Variants in ODR4 observed in about 807,000 individuals in gnomAD.
ODR4 encodes protein odr-4 homolog.
ODR4 carries 47 observed loss-of-function variants against 60.2 expected under a neutral mutation model. That is an observed-to-expected ratio of 0.78 (90% CI 0.62 to 1.00). ODR4 has a LOEUF of 1.00. ODR4 is among the 50% of genes least tolerant of loss of function. ODR4 has a pLI of 0.00. For synonymous variants in ODR4, 178 were observed against 175.5 expected (o/e 1.01, Z -0.11); for missense variants, 488 against 530.8 (o/e 0.92, Z 0.79).
intron 12 of ODR4, among the ~76,000 whole-genome samples, chr1:186,411,015 CAAA>C (rs573542063): frequency 3.8e-5 from 5 of 130,266 alleles, no homozygotes; most frequent in Middle Eastern, 3.8e-3. Context: ...AACTCTGTCT[CAAA>C]AAAAAAAAAA....
At chr1:186,377,175 T>C (rs779294833) in intron 1 of ODR4, among the ~76,000 whole-genome samples, 3 of 150,368 alleles carry the variant, frequency 2.0e-5, no homozygotes, top group Admixed American at 6.6e-5. Context: ...AGTTGTTATA[T>C]TATATTGTTT....
At position 186,383,063 on chromosome 1, in the gene ODR4, G is replaced by A. The variant is rs757996883; in HGVS notation, c.141G>A (p.Thr47=). The change falls in exon 3 of 14, where the codon ACG becomes ACA. Residue 47 remains threonine, a synonymous_variant. Coordinates refer to ENST00000287859, the MANE Select transcript of ODR4 (RefSeq NM_017847.6). The part of the protein sequence containing the change: ...QKDYVILATR[T]PPKEEQSENL... ...ATTATGTGATTCTTGCCACTAGAACGCCACCCAAAGAGGAGCAAAGTGAGA... is the reference window on the plus strand; with the variant it reads ...ATTATGTGATTCTTGCCACTAGAACACCACCCAAAGAGGAGCAAAGTGAGA... 17 of 1,580,106 alleles carry A rather than the reference G, an allele frequency of 1.1e-5. No homozygotes were observed. Among genetic ancestry groups the A allele is most frequent in the Middle Eastern group, 1.7e-4 (1 of 6,022 alleles).
downstream of ODR4, among the ~76,000 whole-genome samples, chr1:186,425,331 A>G (rs1661865326): frequency 6.6e-6 from 1 of 152,214 alleles, no homozygotes; most frequent in South Asian, 2.1e-4. Flanking sequence ...TGTTTAAAAA[A>G]GAGGAAAAAT....
At chr1:186,406,444 A>G (rs370455691) in intron 12 of ODR4, among the ~76,000 whole-genome samples, 176 bp downstream of exon 12, 1 of 152,202 alleles carries the variant, frequency 6.6e-6, no homozygotes, top group East Asian at 1.9e-4. Flanking sequence ...ATGTCTAGAC[A>G]TACAGTGAGT....
downstream of ODR4, among the ~76,000 whole-genome samples, chr1:186,423,943 T>C (rs775898688): frequency 1.3e-5 from 2 of 152,238 alleles, no homozygotes; most frequent in African/African-American, 2.4e-5. Context: ...CCAATAAAGA[T>C]GATGTGCCTC....
In ODR4 at chr1:186,421,090, A is replaced by G. The variant is rs1290013284; in HGVS notation, c.*2014A>G. 1 of 152,162 alleles carries G rather than the reference A, an allele frequency of 6.6e-6. No individual in the cohort carries two copies. The highest frequency in any genetic ancestry group is 1.5e-5 in the Non-Finnish European group (1 of 68,028). The allele number at this position is 152,162 out of a possible 1,614,324, so 9.4% of individuals were successfully genotyped here. A position where few individuals can be genotyped will look rare whatever the true frequency, so the allele number is the denominator to read the frequency against. Reference sequence around the variant, plus strand: ...AAAAGAGGGTAGAATTCTGAGAAAAACTATTAGCTTAGAATTTGCAACAAG... The same window carrying G: ...AAAAGAGGGTAGAATTCTGAGAAAAGCTATTAGCTTAGAATTTGCAACAAG... On this transcript the variant is annotated 3_prime_UTR_variant, in exon 14 of 14. Transcript: ENST00000287859.
intron 6 of ODR4, 114 bp from the exon 7 acceptor site, chr1:186,390,597 G>A (rs1660429535): frequency 1.9e-6 from 2 of 1,044,068 alleles, no homozygotes; most frequent in African/African-American, 1.6e-5. Context: ...AGCCATATAT[G>A]TTAGATATGA....
intron 13 of ODR4, 48 bp downstream of exon 13, chr1:186,417,702 G>A: frequency 1.0e-6 from 1 of 991,970 alleles, no homozygotes; most frequent in African/African-American, 1.6e-5. Flanking sequence ...ATTTAGATTT[G>A]AGTTTTCTTG....
chr1:186,397,798 T>C (rs1242741151), intron 9 of ODR4, among the ~76,000 whole-genome samples: 1 of 152,246 alleles, frequency 6.6e-6, no homozygotes, highest in Non-Finnish European at 1.5e-5. Context: ...CTGGCATTCC[T>C]TAGACTAAAG....
rs760485335 is a variant in ODR4, at chr1:186,379,875, A to T, written c.90A>T (p.Leu30Phe). ...LQGKAFVSGLLIGQCSSQKDY... is the reference protein window; with the variant it reads ...LQGKAFVSGLFIGQCSSQKDY... ...GAAAGGCTTTTGTCTCTGGCCTTTTAATAGGACAGGTATGTATCTTTTACT... is the reference window on the plus strand; with the variant it reads ...GAAAGGCTTTTGTCTCTGGCCTTTTTATAGGACAGGTATGTATCTTTTACT... The change falls in exon 2 of 14, where the codon TTA becomes TTT. Residue 30 changes from leucine (L) to phenylalanine (F), a missense_variant. Transcript: ENST00000287859. The T allele has an allele frequency of 6.3e-7, 1 of 1,587,826 alleles. No homozygotes were observed.
At chr1:186,383,819 C>G (rs946983002) in intron 3 of ODR4, among the ~76,000 whole-genome samples, 1 of 151,866 alleles carries the variant, frequency 6.6e-6, no homozygotes, top group Admixed American at 6.6e-5. Flanking sequence ...GGGTGGATCA[C>G]CTGAGGTCAG....
downstream of ODR4, among the ~76,000 whole-genome samples, chr1:186,422,150 A>T (rs920273271): frequency 6.6e-6 from 1 of 152,038 alleles, no homozygotes; most frequent in Non-Finnish European, 1.5e-5. Context: ...GTAAAAAAAA[A>T]ATTTTTTTTA....
At chr1:186,426,204 C>T (rs775261753), downstream of ODR4, among the ~76,000 whole-genome samples, 61 of 152,280 alleles carry the variant, frequency 4.0e-4, 1 homozygote, top group Middle Eastern at 6.8e-3. Flanking sequence ...AAGTGGCACC[C>T]TATTTCTAGA....
intron 9 of ODR4, 89 bp downstream of exon 9, chr1:186,394,104 A>G (rs1571676302): frequency 1.2e-6 from 1 of 822,620 alleles, no homozygotes; most frequent in East Asian, 2.7e-5. Context: ...TAGAGAATAA[A>G]AGGATTTTAG....
chr1:186,389,499 T>A, intron 5 of ODR4, 89 bp from the exon 6 acceptor site: 1 of 1,007,096 alleles, frequency 9.9e-7, no homozygotes, highest in South Asian at 1.4e-5. Flanking sequence ...TTTGGATGCG[T>A]GCATTTTTTA....
intron 13 of ODR4, among the ~76,000 whole-genome samples, chr1:186,418,383 C>T (rs924150331): frequency 1.4e-4 from 21 of 151,234 alleles, no homozygotes; most frequent in Middle Eastern, 3.4e-3. Flanking sequence ...CTCCGCTTCC[C>T]GGGTTCACGC....
In ODR4 at chr1:186,388,537, T is replaced by G. The variant is rs754880901; in HGVS notation, c.426T>G (p.Ala142=). ...VSERVTLHIC[A]STKKIFCRTY... ...AACGAGTGACACTTCACATTTGTGC[T>G]TCTACAAAAAAGTATCTTTTGTTCA... Residue 142 remains alanine, a synonymous_variant, in exon 5 of 14, where the codon GCT becomes GCG. Transcript: ENST00000287859. 1.3e-6 allele frequency: 2 copies of G among 1,534,310 alleles called. No individual in the cohort carries two copies. Among genetic ancestry groups the G allele is most frequent in the Non-Finnish European group, 8.8e-7 (1 of 1,138,316 alleles).
chr1:186,385,300 G>A lies in ODR4; in HGVS notation c.235-688G>A, dbSNP rs375028641. ...TCAGACTCCCTCTGTTCAAATTCCAGATCTAGTATGCTGCTAAAAATAGGG... is the reference window on the plus strand; with the variant it reads ...TCAGACTCCCTCTGTTCAAATTCCAAATCTAGTATGCTGCTAAAAATAGGG... On this transcript the variant is annotated intron_variant, in intron 3 of 13. Coordinates refer to ENST00000287859, the MANE Select transcript of ODR4 (RefSeq NM_017847.6). Among the ~76,000 whole-genome samples, 9 of 148,162 alleles carry A rather than the reference G, an allele frequency of 6.1e-5. No homozygotes were observed. The East Asian group carries it at 1.2e-3, about 19-fold the overall frequency.
intron 11 of ODR4, 179 bp downstream of exon 11, chr1:186,399,223 T>C (rs748743317): frequency 1.7e-6 from 1 of 590,096 alleles, no homozygotes; most frequent in Non-Finnish European, 3.1e-6. Context: ...TTTTTTTTTT[T>C]AGACAGAGTC....
Sources: allele counts gnomAD v4.1 joint callset (sites outside exome capture counted in the v4.1 genomes callset), GRCh38; gene constraint gnomAD v4.1.1; transcripts MANE v1.5; gene names NCBI Gene and HGNC (gene_info 2026-07-23, HGNC 2026-07-21).